The following MIB1 variants were observed in gnomAD, a reference collection of about 807,000 sequenced individuals.
MIB1 encodes the protein MIB E3 ubiquitin protein ligase 1.
MIB1 carries 278 observed loss-of-function variants against 124.5 expected under a neutral mutation model. That is an observed-to-expected ratio of 2.23 (90% confidence interval 2.02 to 2.47). The LOEUF (loss-of-function observed/expected upper bound fraction) is 2.47. Ranked by LOEUF, MIB1 falls within the 30% of genes most tolerant of loss-of-function variation. MIB1 has a pLI of 0.00. For missense variants in MIB1, 957 were observed against 1,254.4 expected, an observed-to-expected ratio of 0.76 and a Z score of 3.58; for synonymous variants, 446 against 429.4, an observed-to-expected ratio of 1.04 and a Z score of -0.48.
chr18:21,718,281 G>A (rs1045658922), intron 1 of MIB1, among the ~76,000 whole-genome samples: 1 of 151,950 alleles, frequency 6.6e-6, no homozygotes, highest in Non-Finnish European at 1.5e-5. Context: ...CTACAAATTG[G>A]GTGCAGTGTA....
intron 7 of MIB1, among the ~76,000 whole-genome samples, chr18:21,795,891 C>G (rs1267167528): frequency 6.6e-6 from 1 of 151,990 alleles, no homozygotes; most frequent in Non-Finnish European, 1.5e-5. Context: ...CAAATGAGTA[C>G]TTGTGTGATA....
At chr18:21,840,655 ATATATATATATTTTTTTTT>A (rs1213353643) in intron 13 of MIB1, among the ~76,000 whole-genome samples, 10 of 3,662 alleles carry the variant, frequency 2.7e-3, no homozygotes, top group East Asian at 0.017. Flanking sequence ...ATATATATAT[ATATATATATATTTTTTTTT>A]TTTTTTAATT....
chr18:21,739,855 C>T (rs1463037822), upstream of MIB1, among the ~76,000 whole-genome samples: 2 of 150,790 alleles, frequency 1.3e-5, no homozygotes, highest in African/African-American at 2.4e-5. Flanking sequence ...GCGGAGGTTG[C>T]GGGGAACGGA....
chr18:21,779,941 T>C (rs188747611), intron 6 of MIB1, among the ~76,000 whole-genome samples: 61 of 152,060 alleles, frequency 4.0e-4, no homozygotes, highest in African/African-American at 1.4e-3. Flanking sequence ...TACAGTGTTC[T>C]GTACACTATT....
chr18:21,766,848 G>A (rs1555689191), intron 2 of MIB1, among the ~76,000 whole-genome samples: 1 of 151,858 alleles, frequency 6.6e-6, no homozygotes, highest in East Asian at 1.9e-4. Context: ...AGACCACCCC[G>A]GACAGCATAG....
At chr18:21,798,384 C>T (rs1030918293) in intron 8 of MIB1, among the ~76,000 whole-genome samples, 156 bp downstream of exon 8, 2 of 152,062 alleles carry the variant, frequency 1.3e-5, no homozygotes, top group Admixed American at 1.3e-4. Flanking sequence ...TTTAAACTTT[C>T]ACTAAAAATT....
At chr18:21,767,662 C>T (rs1234492106) in intron 2 of MIB1, among the ~76,000 whole-genome samples, 2 of 152,122 alleles carry the variant, frequency 1.3e-5, no homozygotes, top group Non-Finnish European at 2.9e-5. Flanking sequence ...ATTCTCCTGC[C>T]TCAGCCTCCC....
intron 20 of MIB1, among the ~76,000 whole-genome samples, chr18:21,861,702 TTAAATCTCCAGTCTATTACCCCAA>T (rs2042278495): frequency 6.6e-6 from 1 of 151,870 alleles, no homozygotes; most frequent in Non-Finnish European, 1.5e-5. Flanking sequence ...CTCTGCTCAT[TTAAATCTCCAGTCTATTACCCCAA>T]TGTGTCTTTA....
chr18:21,838,433 A>AT lies in MIB1; in HGVS notation c.1899dup (p.Thr634TyrfsTer9), dbSNP rs760155572. ...GTGGATGAGAAGAAAGATGATGGTT[A>AT]TACTGCCTTACATCTGGCTGCCCTT... On this transcript the variant is annotated frameshift_variant, in exon 13 of 21. Coordinates refer to ENST00000261537, the MANE Select transcript of MIB1 (RefSeq NM_020774.4). LOFTEE classifies it high-confidence loss of function. The AT allele has an allele frequency of 6.2e-7, 1 of 1,611,692 alleles. No individual in the cohort carries two copies. The highest frequency in any genetic ancestry group is 1.1e-5 in the South Asian group (1 of 90,698).
At chr18:21,767,559 G>C (rs768311832) in intron 2 of MIB1, among the ~76,000 whole-genome samples, 2 of 149,800 alleles carry the variant, frequency 1.3e-5, no homozygotes, top group Admixed American at 6.6e-5. Context: ...TTTTTTTTTT[G>C]TTTTTTGAAA....
chr18:21,797,911 G>T (rs1049993490), intron 7 of MIB1, among the ~76,000 whole-genome samples, 173 bp from the exon 8 acceptor site: 1 of 151,974 alleles, frequency 6.6e-6, no homozygotes, highest in African/African-American at 2.4e-5. Flanking sequence ...TATTTTAAAA[G>T]ATATTTTTTA....
rs770598059 is a variant in MIB1, at chr18:21,803,903, G to T, written c.1372-4G>T. ...TCTTTCATTCTTTTTTTTAAAAAAT[G>T]TAGGTAAATGGGCAATGTGCTGGCC... On this transcript the variant is annotated splice_region_variant and splice_polypyrimidine_tract_variant and intron_variant, in intron 9 of 20. Coordinates refer to ENST00000261537, the MANE Select transcript of MIB1 (RefSeq NM_020774.4). 1 of 1,602,868 alleles carries T rather than the reference G, an allele frequency of 6.2e-7. No homozygotes were observed. The highest frequency in any genetic ancestry group is 8.5e-7 in the Non-Finnish European group (1 of 1,171,446).
chr18:21,774,921 T>TTTTTTTTATTTA (rs1163703079), intron 4 of MIB1, among the ~76,000 whole-genome samples: 8 of 138,302 alleles, frequency 5.8e-5, no homozygotes, highest in African/African-American at 2.0e-4. Flanking sequence ...TTTATTTCCA[T>TTTTTTTTATTTA]TTTATTTATT....
At chr18:21,815,061 T>C (rs1391359064) in intron 10 of MIB1, among the ~76,000 whole-genome samples, 1 of 83,106 alleles carries the variant, frequency 1.2e-5, no homozygotes, top group Non-Finnish European at 2.4e-5. Context: ...ATATATAAAA[T>C]TATATATAAA....
At chr18:21,748,617 G>A (rs1052431388) in intron 1 of MIB1, among the ~76,000 whole-genome samples, 2 of 151,340 alleles carry the variant, frequency 1.3e-5, no homozygotes, top group African/African-American at 4.9e-5. Flanking sequence ...TTTTTGTAGA[G>A]ATAGGGTCCT....
intron 18 of MIB1, chr18:21,854,556 C>T: frequency 6.3e-6 from 1 of 158,722 alleles, no homozygotes; most frequent in South Asian, 2.0e-4. Context: ...ATAATATTTC[C>T]CCCCAGGAGC....
intron 1 of MIB1, among the ~76,000 whole-genome samples, chr18:21,723,263 C>T (rs1172712634): frequency 1.3e-5 from 2 of 151,830 alleles, no homozygotes; most frequent in Admixed American, 1.3e-4. Flanking sequence ...TTAAGCAATT[C>T]TTTACTTTCT....
At chr18:21,816,384 C>A (rs1234675935) in intron 11 of MIB1, among the ~76,000 whole-genome samples, 1 of 152,086 alleles carries the variant, frequency 6.6e-6, no homozygotes, top group South Asian at 2.1e-4. Flanking sequence ...TAGTCTGTGT[C>A]CATTTTCTGC....
At chr18:21,775,241 G>A (rs1018315856) in intron 4 of MIB1, among the ~76,000 whole-genome samples, 3 of 151,936 alleles carry the variant, frequency 2.0e-5, no homozygotes, top group Admixed American at 6.6e-5. Flanking sequence ...CACCACGCCT[G>A]GCCTTATTTA....
Sources: allele counts gnomAD v4.1 joint callset (sites outside exome capture counted in the v4.1 genomes callset), GRCh38; gene constraint gnomAD v4.1.1; transcripts MANE v1.5; gene names NCBI Gene and HGNC (gene_info 2026-07-23, HGNC 2026-07-21).